SLX4: variants seen among roughly 807,000 people sequenced by gnomAD.
SLX4 encodes the protein structure-specific endonuclease subunit SLX4.
In SLX4, 112 loss-of-function variants were observed where a neutral mutation model predicts 146.2. The ratio of observed to expected loss-of-function variants is 0.77; its 90% CI spans 0.66 to 0.90. SLX4 has a LOEUF of 0.90. SLX4 is among the 40% of genes least tolerant of loss of function. SLX4 has a pLI of 0.00. For synonymous variants in SLX4, 1,061 were observed against 997.7 expected, an observed-to-expected ratio of 1.06 and a Z score of -1.20; for missense variants, 2,563 against 2,392.7, an observed-to-expected ratio of 1.07 and a Z score of -1.49.
chr16:3,607,005 A>G (rs2040793653), intron 2 of SLX4, among the ~76,000 whole-genome samples: 1 of 152,226 alleles, frequency 6.6e-6, no homozygotes, highest in South Asian at 2.1e-4. Flanking sequence ...TGAATATACT[A>G]AAAACCACTG....
intron 9 of SLX4, among the ~76,000 whole-genome samples, chr16:3,594,893 A>G (rs1317553850): frequency 6.6e-6 from 1 of 152,210 alleles, no homozygotes; most frequent in Non-Finnish European, 1.5e-5. Context: ...CAGTGCTGGC[A>G]GCTCCCGCAC....
chr16:3,600,603 T>A (rs1258517073), intron 5 of SLX4: 1 of 131,658 alleles, frequency 7.6e-6, no homozygotes. Context: ...TTTTTTTTTT[T>A]TTTTTTTTTT....
chr16:3,591,298 A>G lies in SLX4; in HGVS notation c.2340T>C (p.Ser780=), dbSNP rs935117725. The G allele has an allele frequency of 4.3e-6, 7 of 1,610,934 alleles. No individual in the cohort carries two copies. The highest frequency in any genetic ancestry group is 5.9e-6 in the Non-Finnish European group (7 of 1,179,974). The part of the protein sequence containing the change: ...LSSLAHRFGV[S]ELVHLCEQVP... ...CCTGTTCGCACAGGTGAACGAGCTCACTCACGCCAAACCTGCAACACGAAA... is the reference window on the plus strand; with the variant it reads ...CCTGTTCGCACAGGTGAACGAGCTCGCTCACGCCAAACCTGCAACACGAAA... The change falls in exon 12 of 15, where the codon AGT becomes AGC. Residue 780 remains serine (S), a synonymous_variant. Transcript: ENST00000294008.
chr16:3,599,088 C>A (rs2040699219), intron 5 of SLX4, among the ~76,000 whole-genome samples: 1 of 152,220 alleles, frequency 6.6e-6, no homozygotes, highest in South Asian at 2.1e-4. Flanking sequence ...CATACTTTAT[C>A]TGAGCAGGTG....
chr16:3,603,874 A>G (rs1047369092), intron 3 of SLX4, among the ~76,000 whole-genome samples: 3 of 152,224 alleles, frequency 2.0e-5, no homozygotes, highest in African/African-American at 4.8e-5. Flanking sequence ...ACGATCCCAT[A>G]AAGAAATAAA....
chr16:3,609,011 A>T lies in SLX4; in HGVS notation c.-47T>A. ...CATTAGATACTTGGAGAGTTTGCAC[A>T]ATTGAACAAAAAGTACTGTTTTCCT... On this transcript the variant is annotated 5_prime_UTR_variant, in exon 2 of 15. An upstream open reading frame in the 5' UTR gains an earlier in-frame stop. Transcript: ENST00000294008. 6.3e-7 allele frequency: 1 copy of T among 1,592,682 alleles called. No homozygotes were observed. The highest frequency in any genetic ancestry group is 1.1e-5 in the South Asian group (1 of 89,984).
Position 3,589,378 on chromosome 16 carries a change from TG to T in SLX4, c.4259del (p.Pro1420GlnfsTer30), listed in dbSNP as rs781663547. 5.7e-6 allele frequency: 9 copies of T among 1,590,770 alleles called. No individual in the cohort carries two copies. The highest frequency in any genetic ancestry group is 3.3e-5 in the South Asian group (3 of 89,644). ...GCCAGCAGCAGTCGTCAATTGGAAT[TG>T]GGGGGTCACTGTCCAGTGGGGGGCT... is the stretch of plus-strand genomic sequence containing the variant. ...NRSPPLDSDP[P>X]IPIDDCCWHM... On this transcript the variant is annotated frameshift_variant, in exon 12 of 15. Transcript: ENST00000294008. LOFTEE classifies it high-confidence loss of function. The surrounding 1 kb of genome is among the most constrained non-coding windows in gnomAD (Gnocchi z 6.2).
At position 3,609,152 on chromosome 16, in the gene SLX4, C is replaced by G; in HGVS notation, c.-188G>C. On this transcript the variant is annotated 5_prime_UTR_variant, in exon 2 of 15. Transcript: ENST00000294008. ...GGCGCGGTGGCTCACACTTGTAATC[C>G]CAGCTCTTTTGGAGGACGAGGCGGG... 3.2e-6 allele frequency: 2 copies of G among 634,174 alleles called. No individual in the cohort carries two copies. The highest frequency in any genetic ancestry group is 5.3e-6 in the Non-Finnish European group (2 of 374,848). 39.3% of individuals were successfully genotyped at this position (634,174 alleles called of 1,614,324 possible). A position where few individuals can be genotyped will look rare whatever the true frequency, so the allele number is the denominator to read the frequency against.
Position 3,597,519 on chromosome 16 carries a change from T to C in SLX4, c.1543A>G (p.Arg515Gly), listed in dbSNP as rs1311454294. The C allele has an allele frequency of 1.2e-6, 2 of 1,614,026 alleles. No homozygotes were observed. The highest frequency in any genetic ancestry group is 1.7e-6 in the Non-Finnish European group (2 of 1,180,042). ...ASRILKEGWE[R>G]AGQCPPPPER... is the part of the protein sequence containing the mutation. ...GGTGGAGGAGGACACTGGCCCGCTC[T>C]TTCCCACCCTTCCTTTAAAATCCTG... is the stretch of plus-strand genomic sequence containing the variant. The change falls in exon 7 of 15, where the codon AGA becomes GGA. Residue 515 changes from arginine (R) to glycine (G), a missense_variant. Coordinates refer to ENST00000294008, the MANE Select transcript of SLX4 (RefSeq NM_032444.4). This position sits in a 1 kb window ranked among gnomAD's most constrained non-coding sequence, Gnocchi z 4.4.
At position 3,591,003 on chromosome 16, in the gene SLX4, A is replaced by T. The variant is rs1428427800; in HGVS notation, c.2635T>A (p.Trp879Arg). 1 of 1,614,084 alleles carries T rather than the reference A, an allele frequency of 6.2e-7. No homozygotes were observed. Among genetic ancestry groups the T allele is most frequent in the East Asian group, 2.2e-5 (1 of 44,890 alleles). The change falls in exon 12 of 15, where the codon TGG (tryptophan) becomes AGG (arginine). Residue 879 changes from tryptophan to arginine, a missense_variant. By Grantham distance (101) the Trp-to-Arg change is moderately radical. Coordinates refer to ENST00000294008, the MANE Select transcript of SLX4 (RefSeq NM_032444.4). ...RAAGAGEDAD[W>R]LEGGSPVSGQ... ...GAAACCGGACTGCCACCCTCCAGCC[A>T]GTCAGCGTCCTCGCCGGCACCCGCT...
chr16:3,583,496 G>C lies in SLX4; in HGVS notation c.4754C>G (p.Pro1585Arg). The C allele has an allele frequency of 2.5e-6, 4 of 1,614,132 alleles. No individual in the cohort carries two copies. Among genetic ancestry groups the C allele is most frequent in the South Asian group, 1.1e-5 (1 of 91,088 alleles). The part of the protein sequence containing the change: ...KKELDRFGVR[P>R]LPKRQMVLKL... ...CAGAACCATCTGGCGTTTAGGCAGA[G>C]GGCGGACTCCAAACCTGACGGAGGA... The change falls in exon 14 of 15, where the codon CCT becomes CGT. Residue 1585 changes from proline to arginine, a missense_variant. Transcript: ENST00000294008.
intron 10 of SLX4, among the ~76,000 whole-genome samples, chr16:3,593,304 C>A (rs2040613763): frequency 6.6e-6 from 1 of 152,208 alleles, no homozygotes; most frequent in African/African-American, 2.4e-5. Flanking sequence ...GAACTCCTGA[C>A]CTCAGGTGAT....
At chr16:3,605,946 CAAAAAAAAAAAAAA>C (rs1181232820) in intron 3 of SLX4, among the ~76,000 whole-genome samples, 1 of 27,014 alleles carries the variant, frequency 3.7e-5, no homozygotes, top group Non-Finnish European at 6.6e-5. Flanking sequence ...GACTCCATCT[CAAAAAAAAAAAAAA>C]AAAAAAAAAA....
At chr16:3,595,946 G>T (rs1437998507) in intron 8 of SLX4, among the ~76,000 whole-genome samples, 1 of 152,190 alleles carries the variant, frequency 6.6e-6, no homozygotes. Context: ...TCTGTCTTTG[G>T]TTAAAGTGGA....
intron 4 of SLX4, chr16:3,601,754 C>T (rs540212903): frequency 1.8e-5 from 6 of 330,812 alleles, no homozygotes; most frequent in South Asian, 8.4e-5. Context: ...ATTTCAGAAT[C>T]GGCAAATCCA....
intron 12 of SLX4, among the ~76,000 whole-genome samples, chr16:3,588,279 C>A (rs1476726072): frequency 6.6e-6 from 1 of 152,258 alleles, no homozygotes; most frequent in Non-Finnish European, 1.5e-5. Flanking sequence ...CCTGCATTTT[C>A]TCTGGATTTG....
At chr16:3,602,436 A>G in intron 3 of SLX4, 129 bp from the exon 4 acceptor site, 1 of 1,059,814 alleles carries the variant, frequency 9.4e-7, no homozygotes, top group Admixed American at 1.8e-5. Context: ...ACCCAGCTCC[A>G]CTCTGCAGGC....
Position 3,606,578 on chromosome 16 carries a change from G to A in SLX4, c.656C>T (p.Ala219Val), listed in dbSNP as rs1425819548. ...AGCGTGTCTCAAACGCTCGGGGTCT[G>A]CTCTCTTGAACTGCTGCATTCGCTG... Reference protein sequence around the residue: ...VLQRMQQFKRADPERLRHASE... With the variant: ...VLQRMQQFKRVDPERLRHASE... Residue 219 changes from alanine to valine, a missense_variant, in exon 3 of 15, where the codon GCA becomes GTA. Coordinates refer to ENST00000294008, the MANE Select transcript of SLX4 (RefSeq NM_032444.4). 1 of 1,614,086 alleles carries A rather than the reference G, an allele frequency of 6.2e-7. No homozygotes were observed. Among genetic ancestry groups the A allele is most frequent in the Non-Finnish European group, 8.5e-7 (1 of 1,180,052 alleles).
rs1326014010 is a variant in SLX4 at position 3,597,569 on chromosome 16, G to A, written c.1493C>T (p.Ser498Phe). Residue 498 changes from serine (S) to phenylalanine (F), a missense_variant, in exon 7 of 15, where the codon TCT (serine) becomes TTT (phenylalanine). Physicochemically the swap from Ser to Phe is radical, Grantham distance 155 (BLOSUM62 -2). Transcript: ENST00000294008. This position sits in a 1 kb window ranked among gnomAD's most constrained non-coding sequence, Gnocchi z 4.4. ...GCTGGCAGGAAGTGGTGGCGTGCTAGACAATTCCACTTCCTCAGAGAGGAG... is the reference window on the plus strand; with the variant it reads ...GCTGGCAGGAAGTGGTGGCGTGCTAAACAATTCCACTTCCTCAGAGAGGAG... ...ALLLSEEVEL[S>F]STPPLPASRI... 45 of 1,613,962 alleles carry A rather than the reference G, an allele frequency of 2.8e-5. No individual in the cohort carries two copies. The highest frequency in any genetic ancestry group is 3.2e-5 in the Non-Finnish European group (38 of 1,180,040).
Sources: gnomAD v4.1 joint callset for allele counts (sites outside exome capture counted in the v4.1 genomes callset) on GRCh38, gnomAD v4.1.1 for gene constraint, Gnocchi (gnomAD v3.1) non-coding constraint, MANE v1.5 for transcripts, NCBI Gene and HGNC (gene_info 2026-07-23, HGNC 2026-07-21) for gene names.